The following ROBO1 variants were observed in gnomAD, a reference collection of about 807,000 sequenced individuals.
ROBO1 encodes roundabout guidance receptor 1.
ROBO1 carries 149 observed loss-of-function variants against 195.9 expected under a neutral mutation model. The ratio of observed to expected loss-of-function variants is 0.76; its 90% confidence interval spans 0.67 to 0.87. The LOEUF is 0.87. ROBO1 is among the 40% of genes least tolerant of loss of function. ROBO1 has a pLI of 0.00. For missense variants in ROBO1, 1,933 were observed against 2,068.3 expected, an observed-to-expected ratio of 0.93 and a Z score of 1.27; for synonymous variants, 816 against 733.2, an observed-to-expected ratio of 1.11 and a Z score of -1.82.
chr3:79,384,364 C>T (rs1467458613), intron 2 of ROBO1, among the ~76,000 whole-genome samples: 1 of 151,790 alleles, frequency 6.6e-6, no homozygotes, highest in Non-Finnish European at 1.5e-5. Flanking sequence ...TCTTAAATTA[C>T]ATAGTAAAAA....
chr3:79,564,452 C>T (rs1943027183), intron 2 of ROBO1, among the ~76,000 whole-genome samples: 1 of 151,958 alleles, frequency 6.6e-6, no homozygotes, highest in Non-Finnish European at 1.5e-5. Flanking sequence ...GTCATTTCCA[C>T]CATAAATTTC....
intron 3 of ROBO1, among the ~76,000 whole-genome samples, chr3:79,083,438 T>G (rs2079311967): frequency 6.6e-6 from 1 of 152,200 alleles, no homozygotes; most frequent in Non-Finnish European, 1.5e-5. Context: ...GATGGTAAAA[T>G]CCACATTTAT....
chr3:79,018,811 G>A (rs1004849567), intron 3 of ROBO1: 128 of 1,045,592 alleles, frequency 1.2e-4, no homozygotes, highest in Non-Finnish European at 1.4e-4. Context: ...CCCGGCGTGC[G>A]CCCCCACAAT....
At chr3:78,964,728 G>A (rs17313732) in intron 3 of ROBO1, among the ~76,000 whole-genome samples, 42,332 of 149,824 alleles carry the variant, frequency 0.28, 6,095 homozygotes, top group African/African-American at 0.32. Flanking sequence ...TGAAAATTAC[G>A]AAGAAAGAAC....
intron 1 of ROBO1, among the ~76,000 whole-genome samples, chr3:79,750,291 T>A (rs1349958387): frequency 6.6e-6 from 1 of 152,242 alleles, no homozygotes; most frequent in East Asian, 1.9e-4. Flanking sequence ...AGGAAGTAAC[T>A]AACTTGTTTT....
chr3:79,525,636 C>T (rs1305371974), intron 2 of ROBO1, among the ~76,000 whole-genome samples: 3 of 140,854 alleles, frequency 2.1e-5, no homozygotes, highest in East Asian at 2.1e-4. Flanking sequence ...GGTGGAATCT[C>T]GCTCTGTCGC....
chr3:78,860,379 C>G (rs1242789546), intron 4 of ROBO1, among the ~76,000 whole-genome samples: 1 of 142,424 alleles, frequency 7.0e-6, no homozygotes, highest in Non-Finnish European at 1.5e-5. Flanking sequence ...TGGAGAACCA[C>G]TGCTTCAAGA....
intron 2 of ROBO1, among the ~76,000 whole-genome samples, chr3:79,315,022 G>A (rs944890539): frequency 6.6e-6 from 1 of 152,246 alleles, no homozygotes; most frequent in South Asian, 2.1e-4. Context: ...GGACAGAAAC[G>A]AAATGGGAAA....
chr3:79,205,648 A>C (rs769855525), intron 2 of ROBO1, among the ~76,000 whole-genome samples: 1 of 152,082 alleles, frequency 6.6e-6, no homozygotes, highest in Non-Finnish European at 1.5e-5. Flanking sequence ...TCAGAAGTGG[A>C]GTTTATGAAT....
chr3:78,914,063 G>T (rs545076669), intron 4 of ROBO1, among the ~76,000 whole-genome samples: 1 of 152,186 alleles, frequency 6.6e-6, no homozygotes, highest in Admixed American at 6.6e-5. Context: ...GAAACAAATG[G>T]CAGTAAGAAA....
chr3:78,838,699 A>AC (rs1439009207), intron 4 of ROBO1, among the ~76,000 whole-genome samples: 1 of 151,366 alleles, frequency 6.6e-6, no homozygotes, highest in Non-Finnish European at 1.5e-5. Context: ...TGAGGGAAGC[A>AC]CCCCCGCCCT....
intron 4 of ROBO1, among the ~76,000 whole-genome samples, chr3:78,885,727 T>A (rs2036520984): frequency 6.6e-6 from 1 of 151,164 alleles, no homozygotes; most frequent in South Asian, 2.1e-4. Flanking sequence ...TTTACTCACA[T>A]GTGTAATAGC....
chr3:79,702,237 G>A (rs1389471274), intron 1 of ROBO1, among the ~76,000 whole-genome samples: 1 of 151,840 alleles, frequency 6.6e-6, no homozygotes, highest in Non-Finnish European at 1.5e-5. Context: ...ATATAATCTG[G>A]AAGAAGCAGC....
At chr3:79,722,303 G>C (rs549385715) in intron 1 of ROBO1, among the ~76,000 whole-genome samples, 25 of 152,144 alleles carry the variant, frequency 1.6e-4, no homozygotes, top group Middle Eastern at 3.2e-3. Flanking sequence ...ATCTAAGCTT[G>C]CAATTAAGTA....
intron 4 of ROBO1, among the ~76,000 whole-genome samples, chr3:78,900,871 CAG>C (rs1358970680): frequency 1.3e-5 from 2 of 151,754 alleles, no homozygotes; most frequent in African/African-American, 4.8e-5. Flanking sequence ...AAATTGGAAA[CAG>C]ATAATTTTAC....
intron 2 of ROBO1, among the ~76,000 whole-genome samples, chr3:79,323,871 G>C (rs1488864289): frequency 1.3e-5 from 2 of 152,126 alleles, no homozygotes; most frequent in Non-Finnish European, 2.9e-5. Context: ...CAGTAGTATA[G>C]ATGTATGCCC....
chr3:79,475,642 T>C (rs1938513067), intron 2 of ROBO1, among the ~76,000 whole-genome samples: 1 of 152,102 alleles, frequency 6.6e-6, no homozygotes, highest in Admixed American at 6.6e-5. Flanking sequence ...ATGGTGACAG[T>C]AGTAAGGAGG....
At chr3:79,348,421 T>A (rs1363971579) in intron 2 of ROBO1, among the ~76,000 whole-genome samples, 1 of 152,142 alleles carries the variant, frequency 6.6e-6, no homozygotes, top group African/African-American at 2.4e-5. Context: ...TGAAGTTTTA[T>A]CTTACGGCTA....
intron 2 of ROBO1, among the ~76,000 whole-genome samples, chr3:79,280,907 C>A (rs1368197585): frequency 6.6e-6 from 1 of 152,152 alleles, no homozygotes; most frequent in East Asian, 1.9e-4. Flanking sequence ...GCTGGCTGGC[C>A]ACTCACTGCC....
Sources: allele counts gnomAD v4.1 joint callset (sites outside exome capture counted in the v4.1 genomes callset), GRCh38; gene constraint gnomAD v4.1.1; transcripts MANE v1.5; gene names NCBI Gene and HGNC (gene_info 2026-07-23, HGNC 2026-07-21).